The following DLGAP2 variants were observed in gnomAD, a reference collection of about 807,000 sequenced individuals.
The protein encoded by DLGAP2 is DLG associated protein 2, also known as disks large-associated protein 2.
Under a neutral mutation model 100.3 loss-of-function variants are expected in DLGAP2, and 26 were observed. The ratio of observed to expected loss-of-function variants is 0.26; its 90% CI spans 0.19 to 0.36. DLGAP2 has a LOEUF of 0.36. DLGAP2 is among the 10% of genes least tolerant of loss of function. The pLI, the probability that DLGAP2 is intolerant of heterozygous loss-of-function variation, is 1.00. For missense variants in DLGAP2, 1,858 were observed against 1,453.2 expected (o/e 1.28, Z -4.53); for synonymous variants, 886 against 630.1 (o/e 1.41, Z -6.08).
chr8:1,358,526 C>T (rs1319976096), intron 3 of DLGAP2, among the ~76,000 whole-genome samples: 1 of 152,154 alleles, frequency 6.6e-6, no homozygotes, highest in Non-Finnish European at 1.5e-5. Context: ...CCATTTCCCT[C>T]TTTGCATTCC....
intron 2 of DLGAP2, among the ~76,000 whole-genome samples, chr8:1,091,830 G>T (rs748240265): frequency 6.9e-6 from 1 of 144,820 alleles, no homozygotes; most frequent in African/African-American, 2.6e-5. Flanking sequence ...TCCTGCCCTC[G>T]CCATCCCCAC....
chr8:1,626,528 C>CCTCTGGGTGTGGGTTGG (rs1563265348), intron 6 of DLGAP2, among the ~76,000 whole-genome samples: 47 of 127,550 alleles, frequency 3.7e-4, no homozygotes, highest in South Asian at 7.4e-4. Flanking sequence ...TACCCTGCAG[C>CCTCTGGGTGTGGGTTGG]AGGTGCTCAG....
At chr8:851,161 G>A (rs919444872) in intron 1 of DLGAP2, among the ~76,000 whole-genome samples, 1 of 152,232 alleles carries the variant, frequency 6.6e-6, no homozygotes, top group African/African-American at 2.4e-5. Flanking sequence ...ATGTGTTACA[G>A]TTGTCTTTGG....
intron 3 of DLGAP2, among the ~76,000 whole-genome samples, chr8:1,345,228 G>GAT (rs1801527445): frequency 6.6e-6 from 1 of 152,212 alleles, no homozygotes; most frequent in Admixed American, 6.5e-5. Context: ...CTCTGCTGAA[G>GAT]GTGCAGGCTC....
At chr8:748,975 G>C (rs1325783148) in intron 1 of DLGAP2, among the ~76,000 whole-genome samples, 2 of 152,218 alleles carry the variant, frequency 1.3e-5, no homozygotes, top group South Asian at 2.1e-4. Flanking sequence ...AACGGGAGGT[G>C]AGCAGGCTAC....
chr8:1,285,212 G>A (rs377600120), intron 3 of DLGAP2, among the ~76,000 whole-genome samples: 1 of 152,044 alleles, frequency 6.6e-6, no homozygotes, highest in African/African-American at 2.4e-5. Context: ...CTCCCATCGT[G>A]GACTGAGAAT....
chr8:883,526 A>C (rs1488446834), intron 1 of DLGAP2, among the ~76,000 whole-genome samples: 1 of 152,136 alleles, frequency 6.6e-6, no homozygotes, highest in Non-Finnish European at 1.5e-5. Context: ...TTAAAAAAAA[A>C]AACCCAGGAT....
intron 3 of DLGAP2, among the ~76,000 whole-genome samples, chr8:1,322,029 T>C (rs1184591652): frequency 6.6e-6 from 1 of 152,158 alleles, no homozygotes; most frequent in Non-Finnish European, 1.5e-5. Context: ...TTTTGTAATC[T>C]CCAATGGGTT....
Position 1,097,506 on chromosome 8 carries a change from G to C in DLGAP2, c.74-161345G>C, listed in dbSNP as rs1585055803. 9.2e-5 allele frequency among the ~76,000 whole-genome samples: 12 copies of C among 130,438 alleles called. No homozygotes were observed. In the East Asian group the frequency reaches 1.0e-3, roughly 11 times the overall value. The allele number at this position is 130,438 out of a possible 152,430, so 85.6% of individuals were successfully genotyped here. On this transcript the variant is annotated intron_variant, in intron 2 of 14. Coordinates refer to ENST00000637795, the MANE Select transcript of DLGAP2 (RefSeq NM_001346810.2). ...GCAGGCCTTCACCCTCTGTGGCATGGAGAGGTCCCCTCCAGCGTGAGACCC... is the reference window on the plus strand; with the variant it reads ...GCAGGCCTTCACCCTCTGTGGCATGCAGAGGTCCCCTCCAGCGTGAGACCC...
chr8:1,331,991 G>A (rs1801167843), intron 3 of DLGAP2, among the ~76,000 whole-genome samples: 1 of 152,206 alleles, frequency 6.6e-6, no homozygotes, highest in Non-Finnish European at 1.5e-5. Context: ...CCCAGGGTGG[G>A]CCAGGGCTGG....
At chr8:1,426,459 G>A (rs1329408047) in intron 3 of DLGAP2, among the ~76,000 whole-genome samples, 1 of 152,182 alleles carries the variant, frequency 6.6e-6, no homozygotes, top group Non-Finnish European at 1.5e-5. Flanking sequence ...CAACAAGTTA[G>A]CAGAATTCCA....
intron 3 of DLGAP2, among the ~76,000 whole-genome samples, chr8:1,444,906 G>A (rs1016389518): frequency 2.7e-5 from 4 of 150,282 alleles, no homozygotes; most frequent in African/African-American, 9.8e-5. Flanking sequence ...CCGAGTAGCT[G>A]GGATTATAGG....
At chr8:1,022,392 G>T (rs544790259) in intron 2 of DLGAP2, among the ~76,000 whole-genome samples, 1 of 146,362 alleles carries the variant, frequency 6.8e-6, no homozygotes, top group African/African-American at 2.5e-5. Flanking sequence ...GGACAGTCCC[G>T]TGCCAAGGTA....
In DLGAP2 at chr8:1,624,447, G is replaced by A. The variant is rs189535442; in HGVS notation, c.1443-2293G>A. 4.1e-3 allele frequency among the ~76,000 whole-genome samples: 625 copies of A among 151,958 alleles called. 2 individuals are homozygous for A. The highest frequency in any genetic ancestry group is 5.7e-3 in the Non-Finnish European group (389 of 67,998). On this transcript the variant is annotated intron_variant, in intron 6 of 14. Transcript: ENST00000637795. ...CTGCACATGACTCTGTATTAAACAC[G>A]CACAGGCACGTGGACACATTCAAAG... is the stretch of plus-strand genomic sequence containing the variant.
chr8:1,386,826 A>C (rs116485545), intron 3 of DLGAP2, among the ~76,000 whole-genome samples: 5 of 152,300 alleles, frequency 3.3e-5, no homozygotes, highest in Non-Finnish European at 2.9e-5. Context: ...GTTTTACCAT[A>C]TTGATGGAAA....
At chr8:1,461,228 G>A (rs1422355189) in intron 3 of DLGAP2, among the ~76,000 whole-genome samples, 1 of 117,794 alleles carries the variant, frequency 8.5e-6, no homozygotes, top group African/African-American at 3.1e-5. Context: ...GGAGGAGGGA[G>A]AAGGGTGGCA....
At chr8:983,560 A>T (rs1198485705) in intron 2 of DLGAP2, among the ~76,000 whole-genome samples, 1 of 152,238 alleles carries the variant, frequency 6.6e-6, no homozygotes, top group Non-Finnish European at 1.5e-5. Context: ...TATGTCACGT[A>T]ACTTCCCTGA....
chr8:1,682,494 A>AG (rs1798976911), intron 12 of DLGAP2, among the ~76,000 whole-genome samples: 2 of 142,922 alleles, frequency 1.4e-5, no homozygotes, highest in Non-Finnish European at 3.0e-5. Flanking sequence ...TTTTTTTTTG[A>AG]GAGGGAGTCT....
chr8:1,536,728 CT>C (rs1487577595), intron 4 of DLGAP2, among the ~76,000 whole-genome samples: 4 of 152,202 alleles, frequency 2.6e-5, no homozygotes, highest in African/African-American at 9.6e-5. Context: ...TTTTGTCTCC[CT>C]TTTGCCCAAA....
Sources: gnomAD v4.1 joint callset for allele counts (sites outside exome capture counted in the v4.1 genomes callset) on GRCh38, gnomAD v4.1.1 for gene constraint, MANE v1.5 for transcripts, NCBI Gene and HGNC (gene_info 2026-07-23, HGNC 2026-07-21) for gene names.